Variants in SEZ6L observed in about 807,000 individuals in gnomAD.
The protein encoded by SEZ6L is seizure related 6 homolog like, also known as seizure 6-like protein.
A neutral mutation model predicts 106.2 loss-of-function variants in SEZ6L; 37 were observed. The ratio of observed to expected loss-of-function variants is 0.35; its 90% confidence interval spans 0.27 to 0.46. The LOEUF (loss-of-function observed/expected upper bound fraction) is 0.46, where lower values mean the gene tolerates loss of function less well. Among genes scored for constraint, SEZ6L ranks in the 20% least tolerant of loss-of-function variants. The probability of loss-of-function intolerance (pLI) is 1.00; values close to 1 mark genes in which losing one functional copy is unlikely to be tolerated. For synonymous variants in SEZ6L, 541 were observed against 570.4 expected (o/e 0.95, Z 0.73); for missense variants, 1,172 against 1,332.8 (o/e 0.88, Z 1.88).
At chr22:26,298,080 T>C (rs1362051452) in intron 4 of SEZ6L, among the ~76,000 whole-genome samples, 1 of 152,204 alleles carries the variant, frequency 6.6e-6, no homozygotes, top group African/African-American at 2.4e-5. Flanking sequence ...TTTTCAACTT[T>C]TCTCTCACCT....
chr22:26,194,900 G>A (rs919588178), intron 1 of SEZ6L, among the ~76,000 whole-genome samples: 3 of 152,222 alleles, frequency 2.0e-5, no homozygotes, highest in Admixed American at 6.5e-5. Flanking sequence ...GGTGTAGTTC[G>A]AATTATCTTA....
At chr22:26,259,023 G>A (rs548672840) in intron 1 of SEZ6L, among the ~76,000 whole-genome samples, 4 of 152,218 alleles carry the variant, frequency 2.6e-5, no homozygotes, top group Non-Finnish European at 5.9e-5. Flanking sequence ...GGGCCAGTGG[G>A]CATGGCCCAA....
rs530128396 is a variant in SEZ6L, at chr22:26,382,285, A to C, written c.*1990A>C. 5.0e-6 allele frequency: 1 copy of C among 199,520 alleles called. No homozygotes were observed. Among genetic ancestry groups the C allele is most frequent in the African/African-American group, 2.3e-5 (1 of 43,124 alleles). 12.4% of individuals were successfully genotyped at this position (199,520 alleles called of 1,614,324 possible). A position where few individuals can be genotyped will look rare whatever the true frequency, so the allele number is the denominator to read the frequency against. ...ACCTTTCCTTAAAAGGCAGAACTCA[A>C]TCCATTTTATTTGATGCTTATTCTA... On this transcript the variant is annotated 3_prime_UTR_variant, in exon 17 of 17. Coordinates refer to ENST00000248933, the MANE Select transcript of SEZ6L (RefSeq NM_021115.5).
At chr22:26,308,711 C>T (rs746020295) in intron 6 of SEZ6L, among the ~76,000 whole-genome samples, 10 of 152,126 alleles carry the variant, frequency 6.6e-5, no homozygotes, top group Non-Finnish European at 1.2e-4. Context: ...TTTGCAAATC[C>T]ATTTGACCAT....
At chr22:26,292,143 A>AG (rs201218922) in intron 1 of SEZ6L, 62,210 of 390,086 alleles carry the variant, frequency 0.16, 6,282 homozygotes, top group Non-Finnish European at 0.21. Flanking sequence ...AAAGAAAGAA[A>AG]GAAAGGAAGG....
At chr22:26,177,599 A>G (rs1186542131) in intron 1 of SEZ6L, among the ~76,000 whole-genome samples, 1 of 152,188 alleles carries the variant, frequency 6.6e-6, no homozygotes, top group Non-Finnish European at 1.5e-5. Flanking sequence ...AGTATAGCAA[A>G]GTGAATAAAA....
intron 15 of SEZ6L, 120 bp from the exon 16 acceptor site, chr22:26,377,553 C>A: frequency 2.6e-6 from 2 of 780,540 alleles, no homozygotes; most frequent in Non-Finnish European, 4.5e-6. Flanking sequence ...TTGCACACAT[C>A]CTCGTCGTCA....
rs761214039 is a variant in SEZ6L, at chr22:26,375,675, C to T, written c.2928C>T (p.Tyr976=). 5.6e-6 allele frequency: 9 copies of T among 1,613,134 alleles called. No homozygotes were observed. Among genetic ancestry groups the T allele is most frequent in the South Asian group, 5.5e-5 (5 of 91,004 alleles). The change falls in exon 15 of 17, where the codon TAC becomes TAT. Residue 976 remains tyrosine, a synonymous_variant. Coordinates refer to ENST00000248933, the MANE Select transcript of SEZ6L (RefSeq NM_021115.5). ...TCTCCTTACTGCTGGGAGGAGCCTA[C>T]ATTTACATCACAAGGTAGGGAGCTG... ...LIISLLLGGA[Y]IYITRCRYYS...
At chr22:26,326,156 G>A (rs979158614) in intron 9 of SEZ6L, among the ~76,000 whole-genome samples, 1 of 152,126 alleles carries the variant, frequency 6.6e-6, no homozygotes, top group South Asian at 2.1e-4. Context: ...CCTTGGCCAC[G>A]CCACGCTCTT....
intron 1 of SEZ6L, among the ~76,000 whole-genome samples, chr22:26,288,889 C>T (rs73158604): frequency 0.042 from 6,395 of 152,134 alleles, 140 homozygotes; most frequent in Middle Eastern, 0.065. Context: ...GTAATGTTTG[C>T]AAAGGAGCTG....
At chr22:26,356,255 T>C (rs991502063) in intron 12 of SEZ6L, among the ~76,000 whole-genome samples, 5 of 152,196 alleles carry the variant, frequency 3.3e-5, no homozygotes, top group African/African-American at 1.2e-4. Flanking sequence ...TACAAACAAC[T>C]GAATGAGTAG....
intron 1 of SEZ6L, among the ~76,000 whole-genome samples, chr22:26,175,990 G>A (rs1221815922): frequency 6.6e-6 from 1 of 152,218 alleles, no homozygotes; most frequent in Non-Finnish European, 1.5e-5. Context: ...ACACCCCCAT[G>A]TGTTTCTTCC....
intron 1 of SEZ6L, among the ~76,000 whole-genome samples, chr22:26,183,992 C>T (rs1939593145): frequency 6.6e-6 from 1 of 152,130 alleles, no homozygotes; most frequent in African/African-American, 2.4e-5. Context: ...GGACCTAGTA[C>T]TATGGAAAAT....
At position 26,212,188 on chromosome 22, in the gene SEZ6L, T is replaced by C. The variant is rs1025963714; in HGVS notation, c.94+42425T>C. 2.0e-5 allele frequency among the ~76,000 whole-genome samples: 3 copies of C among 151,924 alleles called. No individual in the cohort carries two copies. The East Asian group carries it at 5.8e-4, about 29-fold the overall frequency. ...AATGGGCGGAGATGAGACAGGGAAATGGGGAAATTTCAGACCACACATGGC... is the reference window on the plus strand; with the variant it reads ...AATGGGCGGAGATGAGACAGGGAAACGGGGAAATTTCAGACCACACATGGC... On this transcript the variant is annotated intron_variant, in intron 1 of 16. Transcript: ENST00000248933.
chr22:26,382,050 G>A lies in SEZ6L; in HGVS notation c.*1755G>A, dbSNP rs2084424859. On this transcript the variant is annotated 3_prime_UTR_variant, in exon 17 of 17. Transcript: ENST00000248933. Reference sequence around the variant, plus strand: ...CAGCAGGAACTCAGACTTCAATCTTGGGGGTCTAAGACCAGAATATTTTCC... The same window carrying A: ...CAGCAGGAACTCAGACTTCAATCTTAGGGGTCTAAGACCAGAATATTTTCC... 1 of 518,652 alleles carries A rather than the reference G, an allele frequency of 1.9e-6. No individual in the cohort carries two copies. The highest frequency in any genetic ancestry group is 3.8e-6 in the Non-Finnish European group (1 of 259,770). 32.1% of individuals were successfully genotyped at this position (518,652 alleles called of 1,614,324 possible).
chr22:26,383,366 C>G lies in SEZ6L; in HGVS notation c.*3071C>G, dbSNP rs927235097. The G allele has an allele frequency of 2.0e-5, 3 of 151,956 alleles. No individual in the cohort carries two copies. The South Asian group carries it at 6.3e-4, about 32-fold the overall frequency. The allele number at this position is 151,956 out of a possible 1,614,324, so 9.4% of individuals were successfully genotyped here. A position where few individuals can be genotyped will look rare whatever the true frequency, so the allele number is the denominator to read the frequency against. ...GGCAAAAATGCCCTTCGAGTGAATC[C>G]GAAGGGCATGATCTTCCTATGTCCT... is the stretch of plus-strand genomic sequence containing the variant. On this transcript the variant is annotated 3_prime_UTR_variant, in exon 17 of 17. Transcript: ENST00000248933.
chr22:26,300,399 G>A (rs2081417694), intron 5 of SEZ6L, among the ~76,000 whole-genome samples: 1 of 151,886 alleles, frequency 6.6e-6, no homozygotes, highest in South Asian at 2.1e-4. Flanking sequence ...GTGAGAACAT[G>A]CGGTGTTTGG....
intron 6 of SEZ6L, 90 bp from the exon 7 acceptor site, chr22:26,310,580 C>T: frequency 1.4e-6 from 2 of 1,405,658 alleles, no homozygotes; most frequent in Middle Eastern, 1.8e-4. Flanking sequence ...TAATGAGGCT[C>T]CAGAGGCAGT....
At position 26,169,486 on chromosome 22, in the gene SEZ6L, G is replaced by A. The variant is rs1202017925; in HGVS notation, c.-184G>A. Reference sequence around the variant, plus strand: ...CACTCGCCCGCCCGCGCCCGGCGCAGCTCGGCCAGAGCGACCGCGGGGCTG... The same window carrying A: ...CACTCGCCCGCCCGCGCCCGGCGCAACTCGGCCAGAGCGACCGCGGGGCTG... On this transcript the variant is annotated 5_prime_UTR_variant, in exon 1 of 17. Coordinates refer to ENST00000248933, the MANE Select transcript of SEZ6L (RefSeq NM_021115.5). The A allele has an allele frequency of 1.8e-5, 6 of 342,808 alleles. No individual in the cohort carries two copies. The East Asian group carries it at 2.2e-4, about 13-fold the overall frequency. The allele number at this position is 342,808 out of a possible 1,614,324, so 21.2% of individuals were successfully genotyped here.
Sources: gnomAD v4.1 joint callset for allele counts (sites outside exome capture counted in the v4.1 genomes callset) on GRCh38, gnomAD v4.1.1 for gene constraint, MANE v1.5 for transcripts, NCBI Gene and HGNC (gene_info 2026-07-23, HGNC 2026-07-21) for gene names.